The following RAB11FIP4 variants were observed in gnomAD, a reference collection of about 807,000 sequenced individuals.
RAB11FIP4 encodes rab11 family-interacting protein 4.
A neutral mutation model predicts 74.3 loss-of-function variants in RAB11FIP4; 23 were observed. That is an observed-to-expected ratio of 0.31 (90% CI 0.22 to 0.44). RAB11FIP4 has a LOEUF of 0.44. RAB11FIP4 is among the 20% of genes least tolerant of loss of function. The pLI, the probability that RAB11FIP4 is intolerant of heterozygous loss-of-function variation, is 1.00. For missense variants in RAB11FIP4, 630 were observed against 863.9 expected (o/e 0.73, Z 3.39); for synonymous variants, 360 against 359.9 (o/e 1.00, Z 0.00).
At chr17:31,454,518 C>T (rs78646758) in intron 3 of RAB11FIP4, among the ~76,000 whole-genome samples, 13,845 of 152,066 alleles carry the variant, frequency 0.091, 1,335 homozygotes, top group East Asian at 0.22. Flanking sequence ...AAGCAATCTG[C>T]CCACCTTAGC....
intron 3 of RAB11FIP4, among the ~76,000 whole-genome samples, chr17:31,495,378 T>C (rs2072095656): frequency 6.7e-6 from 1 of 150,038 alleles, no homozygotes; most frequent in Admixed American, 6.6e-5. Flanking sequence ...TTTTTTTTTT[T>C]TTTTTTTTTT....
chr17:31,512,715 C>T lies in RAB11FIP4; in HGVS notation c.337-4936C>T, dbSNP rs1197772734. ...TGCCTCCTGAGGATACCACACTGTC[C>T]CTTCCCCAAAGGCCCCCAAAAGAGC... On this transcript the variant is annotated intron_variant, in intron 3 of 14. Transcript: ENST00000621161. This position sits in a 1 kb window ranked among gnomAD's most constrained non-coding sequence, Gnocchi z 4.1. Among the ~76,000 whole-genome samples, 1 of 152,120 alleles carries T rather than the reference C, an allele frequency of 6.6e-6. No homozygotes were observed. The highest frequency in any genetic ancestry group is 6.5e-5 in the Admixed American group (1 of 15,278).
intron 3 of RAB11FIP4, among the ~76,000 whole-genome samples, chr17:31,516,563 A>G (rs113460915): frequency 3.7e-4 from 57 of 152,276 alleles, no homozygotes; most frequent in African/African-American, 1.2e-3. Context: ...TCCGCCTCCT[A>G]GGTTCACGCC....
intron 10 of RAB11FIP4, chr17:31,526,714 G>A (rs2072772901): frequency 6.6e-6 from 1 of 152,404 alleles, no homozygotes; most frequent in African/African-American, 2.4e-5. Context: ...CGGAGGCCGA[G>A]GCAGGTGGAT....
chr17:31,443,963 A>C (rs565097811), intron 3 of RAB11FIP4, among the ~76,000 whole-genome samples: 59 of 152,306 alleles, frequency 3.9e-4, no homozygotes, highest in Non-Finnish European at 7.2e-4. Flanking sequence ...CCCAGACCTG[A>C]GCCTGAGCCC....
At chr17:31,394,833 C>T (rs890570194) in intron 1 of RAB11FIP4, among the ~76,000 whole-genome samples, 3 of 150,206 alleles carry the variant, frequency 2.0e-5, no homozygotes, top group South Asian at 2.1e-4. Context: ...CTGTATTGAC[C>T]GAGACCCGTG....
At chr17:31,520,196 C>T (rs138531489) in intron 4 of RAB11FIP4, among the ~76,000 whole-genome samples, 274 of 151,390 alleles carry the variant, frequency 1.8e-3, no homozygotes, top group African/African-American at 6.2e-3. Context: ...AATCTAGAGA[C>T]GATCGAGTAT....
chr17:31,396,198 G>A (rs111869577), intron 1 of RAB11FIP4, among the ~76,000 whole-genome samples: 2,518 of 101,926 alleles, frequency 0.025, 96 homozygotes, highest in African/African-American at 0.066. Context: ...AAAAAAAAAA[G>A]AAAAGAAAAG....
chr17:31,508,180 G>T (rs1044963933), intron 3 of RAB11FIP4, among the ~76,000 whole-genome samples: 1 of 152,172 alleles, frequency 6.6e-6, no homozygotes. Flanking sequence ...AACGGAAGTG[G>T]CACAGTGGGG....
intron 3 of RAB11FIP4, among the ~76,000 whole-genome samples, chr17:31,458,699 G>C (rs1284632323): frequency 6.6e-6 from 1 of 152,214 alleles, no homozygotes; most frequent in East Asian, 1.9e-4. Flanking sequence ...CAGAGGTGGA[G>C]GCAGTTTGCC....
At chr17:31,404,560 G>A (rs1051059485) in intron 1 of RAB11FIP4, among the ~76,000 whole-genome samples, 3 of 152,242 alleles carry the variant, frequency 2.0e-5, no homozygotes, top group African/African-American at 7.2e-5. Flanking sequence ...AACGACACGT[G>A]ACATAGTGTC....
intron 3 of RAB11FIP4, among the ~76,000 whole-genome samples, chr17:31,482,678 C>G (rs1331309402): frequency 6.6e-6 from 1 of 152,116 alleles, no homozygotes; most frequent in Non-Finnish European, 1.5e-5. Context: ...CAGAGTCCTG[C>G]CTATTTGCTT....
intron 14 of RAB11FIP4, 83 bp from the exon 15 acceptor site, chr17:31,531,533 C>A: frequency 1.1e-6 from 1 of 892,470 alleles, no homozygotes; most frequent in Non-Finnish European, 1.8e-6. Flanking sequence ...CAGGCACTGG[C>A]CTGCGACAAG....
intron 3 of RAB11FIP4, among the ~76,000 whole-genome samples, chr17:31,462,221 G>A (rs1353561502): frequency 1.3e-5 from 2 of 151,774 alleles, no homozygotes; most frequent in African/African-American, 2.4e-5. Context: ...AGCCGAGATC[G>A]TGCCACCACA....
At chr17:31,444,872 T>C (rs973771427) in intron 3 of RAB11FIP4, among the ~76,000 whole-genome samples, 1 of 152,226 alleles carries the variant, frequency 6.6e-6, no homozygotes, top group African/African-American at 2.4e-5. Context: ...CCTTCTCCTT[T>C]GGATGAGTTA....
intron 3 of RAB11FIP4, among the ~76,000 whole-genome samples, chr17:31,453,866 T>A (rs945472405): frequency 6.6e-6 from 1 of 151,262 alleles, no homozygotes; most frequent in Non-Finnish European, 1.5e-5. Context: ...TGGAAAATAC[T>A]GGCATTTCTC....
At chr17:31,520,398 A>AT (rs2072639834) in intron 4 of RAB11FIP4, among the ~76,000 whole-genome samples, 1 of 152,106 alleles carries the variant, frequency 6.6e-6, no homozygotes, top group African/African-American at 2.4e-5. Context: ...ATTACTCCGA[A>AT]TGTTTTTTTT....
chr17:31,498,581 T>A (rs2072160357), intron 3 of RAB11FIP4, among the ~76,000 whole-genome samples: 1 of 152,210 alleles, frequency 6.6e-6, no homozygotes, highest in Non-Finnish European at 1.5e-5. Context: ...GGCCATTGGC[T>A]GTGGGTAAAC....
chr17:31,435,186 C>G (rs1462239649), intron 3 of RAB11FIP4, among the ~76,000 whole-genome samples: 1 of 152,150 alleles, frequency 6.6e-6, no homozygotes, highest in East Asian at 1.9e-4. Context: ...CCAGACTCAT[C>G]TCCAAAAATT....
Sources: allele counts gnomAD v4.1 joint callset (sites outside exome capture counted in the v4.1 genomes callset), GRCh38; gene constraint gnomAD v4.1.1; non-coding constraint Gnocchi (gnomAD v3.1); transcripts MANE v1.5; gene names NCBI Gene and HGNC (gene_info 2026-07-23, HGNC 2026-07-21).